The following GALNT17 variants were observed in gnomAD, a reference collection of about 807,000 sequenced individuals.
GALNT17 encodes polypeptide N-acetylgalactosaminyltransferase 17, also known as UDP-GalNAc:polypeptide N-acetylgalactosaminyltransferase-like 3.
In GALNT17, 29 loss-of-function variants were observed where a neutral mutation model predicts 63.7. The observed-to-expected ratio is 0.46, with a 90% CI of 0.34 to 0.62. The LOEUF (loss-of-function observed/expected upper bound fraction) is 0.62. Among genes scored for constraint, GALNT17 ranks in the 20% least tolerant of loss-of-function variants. GALNT17 has a pLI of 0.01. For missense variants in GALNT17, 603 were observed against 799.6 expected, an observed-to-expected ratio of 0.75 and a Z score of 2.97; for synonymous variants, 305 against 318.3, an observed-to-expected ratio of 0.96 and a Z score of 0.45.
intron 5 of GALNT17, among the ~76,000 whole-genome samples, chr7:71,555,775 C>T (rs1293811602): frequency 3.3e-5 from 5 of 152,356 alleles, no homozygotes; most frequent in South Asian, 4.1e-4. Flanking sequence ...GTGAGCCCCA[C>T]GGCTTTGTCA....
chr7:71,516,666 G>A (rs1199550843), intron 5 of GALNT17, among the ~76,000 whole-genome samples: 1 of 152,132 alleles, frequency 6.6e-6, no homozygotes, highest in Non-Finnish European at 1.5e-5. Flanking sequence ...TGATTTGAGT[G>A]ACTTGAGATC....
At chr7:71,513,500 C>G (rs1788399037) in intron 5 of GALNT17, among the ~76,000 whole-genome samples, 1 of 152,090 alleles carries the variant, frequency 6.6e-6, no homozygotes, top group South Asian at 2.1e-4. Context: ...ATTCTCCTGC[C>G]TCAGCCTCCC....
chr7:71,372,934 A>G (rs1015679942), intron 2 of GALNT17, among the ~76,000 whole-genome samples: 1 of 152,188 alleles, frequency 6.6e-6, no homozygotes, highest in Non-Finnish European at 1.5e-5. Flanking sequence ...TGTTATTTTA[A>G]GGAAACTGAG....
intron 6 of GALNT17, among the ~76,000 whole-genome samples, chr7:71,646,649 T>G (rs562848483): frequency 6.6e-6 from 1 of 152,258 alleles, no homozygotes; most frequent in South Asian, 2.1e-4. Flanking sequence ...AGTGAGAGGC[T>G]GAACCCTCCT....
rs185255185 is a variant in GALNT17, at chr7:71,348,933, C to T, written c.422+13200C>T. ...AACCAACCCATCCTAAACTTGCCTC[C>T]AGGCGTCTACATGGGCACACACACA... On this transcript the variant is annotated intron_variant, in intron 2 of 10. Transcript: ENST00000333538. Among the ~76,000 whole-genome samples the T allele has an allele frequency of 4.9e-4, 75 of 152,336 alleles. 1 individual carries two copies. The highest frequency in any genetic ancestry group is 1.8e-3 in the African/African-American group (74 of 41,582).
chr7:71,177,234 C>A (rs768447452), intron 1 of GALNT17, among the ~76,000 whole-genome samples: 2 of 152,140 alleles, frequency 1.3e-5, no homozygotes, highest in African/African-American at 2.4e-5. Flanking sequence ...TAGTTTCCCT[C>A]CCTAACCTCC....
At chr7:71,567,552 C>T (rs887787729) in intron 5 of GALNT17, among the ~76,000 whole-genome samples, 1 of 152,206 alleles carries the variant, frequency 6.6e-6, no homozygotes, top group Non-Finnish European at 1.5e-5. Context: ...GCAGCCTCCG[C>T]CTCTCAGGTT....
chr7:71,190,127 C>T (rs1387497616), intron 1 of GALNT17, among the ~76,000 whole-genome samples: 1 of 152,172 alleles, frequency 6.6e-6, no homozygotes, highest in Non-Finnish European at 1.5e-5. Flanking sequence ...ACCATTTCTT[C>T]TGAGGAATCC....
At chr7:71,269,575 G>A (rs2115685763) in intron 1 of GALNT17, among the ~76,000 whole-genome samples, 1 of 152,318 alleles carries the variant, frequency 6.6e-6, no homozygotes, top group African/African-American at 2.4e-5. Flanking sequence ...GAAGTATGGA[G>A]GGCCATGCCA....
chr7:71,630,265 A>T (rs1268663647), intron 6 of GALNT17, among the ~76,000 whole-genome samples: 3 of 152,210 alleles, frequency 2.0e-5, no homozygotes, highest in Non-Finnish European at 2.9e-5. Flanking sequence ...AACTGAAAAG[A>T]TGCTCTTACA....
chr7:71,541,152 G>A (rs1216630394), intron 5 of GALNT17, among the ~76,000 whole-genome samples: 1 of 151,890 alleles, frequency 6.6e-6, no homozygotes, highest in Non-Finnish European at 1.5e-5. Context: ...GCTAAGGCAG[G>A]AGAATCACTT....
At chr7:71,612,993 T>G (rs924468004) in intron 6 of GALNT17, among the ~76,000 whole-genome samples, 12 of 152,176 alleles carry the variant, frequency 7.9e-5, no homozygotes, top group Admixed American at 7.9e-4. Context: ...CTGAAGGTGG[T>G]TAACGGCCCC....
At position 71,237,635 on chromosome 7, in the gene GALNT17, T is replaced by C. The variant is rs146539011; in HGVS notation, c.239-97915T>C. 1.8e-3 allele frequency among the ~76,000 whole-genome samples: 271 copies of C among 152,026 alleles called. 3 individuals carry two copies. Among genetic ancestry groups the C allele is most frequent in the African/African-American group, 6.1e-3 (253 of 41,462 alleles). ...AGGAGCTTGAGGCTACTGCGAGTTATAATCAGGCTATGGCACTCCAGCATG... is the reference window on the plus strand; with the variant it reads ...AGGAGCTTGAGGCTACTGCGAGTTACAATCAGGCTATGGCACTCCAGCATG... On this transcript the variant is annotated intron_variant, in intron 1 of 10. Transcript: ENST00000333538.
intron 5 of GALNT17, among the ~76,000 whole-genome samples, chr7:71,442,999 T>G (rs1583957502): frequency 6.6e-6 from 1 of 152,298 alleles, no homozygotes; most frequent in East Asian, 1.9e-4. Context: ...GTGTCTTTTA[T>G]GAACATTGAA....
intron 1 of GALNT17, among the ~76,000 whole-genome samples, chr7:71,259,767 G>C (rs1383627213): frequency 6.6e-6 from 1 of 150,738 alleles, no homozygotes; most frequent in Non-Finnish European, 1.5e-5. Flanking sequence ...TCAGCCTCCT[G>C]GGTAGCTGGG....
intron 2 of GALNT17, among the ~76,000 whole-genome samples, chr7:71,339,612 A>G (rs1199844467): frequency 1.3e-5 from 2 of 151,652 alleles, no homozygotes; most frequent in Non-Finnish European, 1.5e-5. Flanking sequence ...ATGGCTTGAA[A>G]CTGTTAGGTG....
At chr7:71,299,001 C>A (rs1283963435) in intron 1 of GALNT17, among the ~76,000 whole-genome samples, 1 of 152,122 alleles carries the variant, frequency 6.6e-6, no homozygotes, top group Non-Finnish European at 1.5e-5. Flanking sequence ...TAAGTCACCA[C>A]CCTTGCAACT....
chr7:71,145,676 A>C (rs1031300471), intron 1 of GALNT17, among the ~76,000 whole-genome samples: 1 of 152,010 alleles, frequency 6.6e-6, no homozygotes, highest in Admixed American at 6.6e-5. Flanking sequence ...TCCCTGATTA[A>C]TTTTATAAAG....
At chr7:71,421,131 C>A (rs1432143697) in intron 5 of GALNT17, 26 bp downstream of exon 5, 1 of 1,612,138 alleles carries the variant, frequency 6.2e-7, no homozygotes, top group Non-Finnish European at 8.5e-7. Flanking sequence ...GCCCTGGCGG[C>A]CAACGAGCCC....
Sources: allele counts gnomAD v4.1 joint callset (sites outside exome capture counted in the v4.1 genomes callset), GRCh38; gene constraint gnomAD v4.1.1; transcripts MANE v1.5; gene names NCBI Gene and HGNC (gene_info 2026-07-23, HGNC 2026-07-21).